The following TACC2 variants were observed in gnomAD, a reference collection of about 807,000 sequenced individuals.
TACC2 encodes the protein transforming acidic coiled-coil containing protein 2, also known as transforming acidic coiled-coil-containing protein 2.
Under a neutral mutation model 227.3 loss-of-function variants are expected in TACC2, and 137 were observed. The ratio of observed to expected loss-of-function variants is 0.60; its 90% CI spans 0.52 to 0.69. TACC2 has a LOEUF of 0.69. TACC2 is among the 30% of genes least tolerant of loss of function. TACC2 has a pLI of 0.00. For synonymous variants in TACC2, 1,523 were observed against 1,487.5 expected (o/e 1.02, Z -0.55); for missense variants, 3,470 against 3,694.4 (o/e 0.94, Z 1.57).
chr10:122,225,683 ACAAGGGGCCC>A (rs1416196635), intron 12 of TACC2, among the ~76,000 whole-genome samples: 1 of 152,198 alleles, frequency 6.6e-6, no homozygotes, highest in East Asian at 1.9e-4. Flanking sequence ...GATTGAAACC[ACAAGGGGCCC>A]CTTCCTCTTG....
In TACC2 at chr10:122,086,239, G is replaced by A. The variant is rs1332665353; in HGVS notation, c.3739G>A (p.Gly1247Arg). The A allele has an allele frequency of 1.2e-6, 2 of 1,613,848 alleles. No individual in the cohort carries two copies. Among genetic ancestry groups the A allele is most frequent in the South Asian group, 2.2e-5 (2 of 91,090 alleles). The change falls in exon 4 of 23, where the codon GGA (glycine) becomes AGA (arginine). Residue 1247 changes from glycine (G) to arginine (R), a missense_variant. Physicochemically the swap from Gly to Arg is moderately radical, Grantham distance 125. Coordinates refer to ENST00000369005, the MANE Select transcript of TACC2 (RefSeq NM_206862.4). ...GCATGTCGACAGTGCTGCCCAGAGA[G>A]GAGCAGAAGACAGTGGAGTGAAAGC... ...YLHVDSAAQR[G>R]AEDSGVKAVS...
At chr10:122,198,596 G>A (rs542352794) in intron 8 of TACC2, among the ~76,000 whole-genome samples, 1 of 152,330 alleles carries the variant, frequency 6.6e-6, no homozygotes, top group South Asian at 2.1e-4. Context: ...CAGCATCCCT[G>A]TATAGTGGAT....
At chr10:122,168,596 A>G (rs1311789607) in intron 7 of TACC2, among the ~76,000 whole-genome samples, 1 of 152,094 alleles carries the variant, frequency 6.6e-6, no homozygotes, top group African/African-American at 2.4e-5. Context: ...CCAGGTAGCT[A>G]CCAATCATCC....
chr10:122,240,899 G>A (rs1272132267), intron 18 of TACC2, among the ~76,000 whole-genome samples: 2 of 152,194 alleles, frequency 1.3e-5, no homozygotes, highest in Admixed American at 6.5e-5. Flanking sequence ...CTTTTGTGCA[G>A]TTACTGTCTA....
rs758136343 is a variant in TACC2, at chr10:122,150,116, T to C, written c.5834+6410T>C. Among the ~76,000 whole-genome samples the C allele has an allele frequency of 2.0e-5, 3 of 152,082 alleles. No individual in the cohort carries two copies. The highest frequency in any genetic ancestry group is 1.9e-4 in the East Asian group (1 of 5,166). On this transcript the variant is annotated intron_variant, in intron 7 of 22. Coordinates refer to ENST00000369005, the MANE Select transcript of TACC2 (RefSeq NM_206862.4). This position sits in a 1 kb window ranked among gnomAD's most constrained non-coding sequence, Gnocchi z 4.0. ...CCAGGTCTGCAGTTCTTTTCCTCCT[T>C]CTGGGAGGGGAGGGGAAGGAGAGCC...
chr10:121,999,987 C>A (rs1240459984), intron 1 of TACC2, among the ~76,000 whole-genome samples: 1 of 152,214 alleles, frequency 6.6e-6, no homozygotes, highest in Non-Finnish European at 1.5e-5. Flanking sequence ...CAAACCAGTA[C>A]AGATGCAAGA....
At chr10:122,115,395 G>C (rs1381015204) in intron 5 of TACC2, among the ~76,000 whole-genome samples, 1 of 152,202 alleles carries the variant, frequency 6.6e-6, no homozygotes, top group South Asian at 2.1e-4. Context: ...GTCTGGAAAT[G>C]TGGGAGGATA....
intron 8 of TACC2, among the ~76,000 whole-genome samples, chr10:122,198,486 A>G (rs940766880): frequency 6.6e-6 from 1 of 152,254 alleles, no homozygotes; most frequent in African/African-American, 2.4e-5. Flanking sequence ...ATGTAATTAA[A>G]TAATAGCTCC....
At chr10:122,046,406 G>A (rs892929484) in intron 2 of TACC2, among the ~76,000 whole-genome samples, 4 of 151,988 alleles carry the variant, frequency 2.6e-5, no homozygotes, top group African/African-American at 4.8e-5. Context: ...CCCAGGAGGC[G>A]GAGCTTACAG....
chr10:122,210,275 G>T lies in TACC2; in HGVS notation c.5972-122G>T. 2 of 749,510 alleles carry T rather than the reference G, an allele frequency of 2.7e-6. No individual in the cohort carries two copies. Among genetic ancestry groups the T allele is most frequent in the Admixed American group, 2.1e-5 (1 of 47,024 alleles). The allele number at this position is 749,510 out of a possible 1,614,324, so 46.4% of individuals were successfully genotyped here. On this transcript the variant is annotated intron_variant, in intron 8 of 22. Transcript: ENST00000369005. This position sits in a 1 kb window ranked among gnomAD's most constrained non-coding sequence, Gnocchi z 4.6. ...CCAAGTAGTACACACAGTGATGGGCGGGGTGGCCTGGGGCCGTGGTTTGTC... is the reference window on the plus strand; with the variant it reads ...CCAAGTAGTACACACAGTGATGGGCTGGGTGGCCTGGGGCCGTGGTTTGTC...
At chr10:122,042,122 T>C (rs1029035094) in intron 2 of TACC2, among the ~76,000 whole-genome samples, 3 of 151,974 alleles carry the variant, frequency 2.0e-5, no homozygotes, top group African/African-American at 7.3e-5. Context: ...ACTTTTTGTA[T>C]TTTTAGTAGA....
chr10:122,124,675 C>T (rs766227381), intron 5 of TACC2, among the ~76,000 whole-genome samples: 2 of 152,216 alleles, frequency 1.3e-5, no homozygotes, highest in Non-Finnish European at 2.9e-5. Context: ...GGCTGTTTGC[C>T]TGCACGCCTT....
intron 5 of TACC2, among the ~76,000 whole-genome samples, chr10:122,108,412 G>A (rs1410395281): frequency 2.8e-5 from 4 of 145,448 alleles, no homozygotes; most frequent in African/African-American, 7.6e-5. Flanking sequence ...ATGTGTGTGT[G>A]TGTATATATA....
chr10:122,025,120 T>G (rs1008254521), intron 2 of TACC2, among the ~76,000 whole-genome samples: 2 of 152,224 alleles, frequency 1.3e-5, no homozygotes, highest in Non-Finnish European at 2.9e-5. Context: ...TGTTGTAATA[T>G]TTCCATGTGG....
intron 3 of TACC2, among the ~76,000 whole-genome samples, chr10:122,073,982 A>C (rs34820383): frequency 6.6e-6 from 1 of 151,342 alleles, no homozygotes; most frequent in African/African-American, 2.4e-5. Context: ...GGGTTTCACC[A>C]TGTTAGCCAG....
chr10:122,016,251 G>A (rs1351793143), intron 1 of TACC2, among the ~76,000 whole-genome samples: 5 of 111,276 alleles, frequency 4.5e-5, no homozygotes, highest in African/African-American at 1.8e-4. Context: ...GACAGAGTGA[G>A]ACCCTGTCTG....
chr10:122,045,509 A>G (rs1318872386), intron 2 of TACC2, among the ~76,000 whole-genome samples: 1 of 152,220 alleles, frequency 6.6e-6, no homozygotes, highest in Admixed American at 6.5e-5. Flanking sequence ...TTAAATATGT[A>G]AAGCACTTAA....
At chr10:122,104,371 A>AT (rs948274667) in intron 5 of TACC2, among the ~76,000 whole-genome samples, 43 of 149,668 alleles carry the variant, frequency 2.9e-4, no homozygotes, top group East Asian at 1.2e-3. Flanking sequence ...TTATTTTATG[A>AT]TTTTTTTTTT....
rs773759070 is a variant in TACC2, at chr10:122,082,773, A to T, written c.273A>T (p.Glu91Asp). 2.5e-6 allele frequency: 4 copies of T among 1,613,826 alleles called. No individual in the cohort carries two copies. The highest frequency in any genetic ancestry group is 2.2e-5 in the South Asian group (2 of 91,072). Residue 91 changes from glutamate to aspartate, a missense_variant, in exon 4 of 23, where the codon GAA (glutamate) becomes GAT (aspartate). Coordinates refer to ENST00000369005, the MANE Select transcript of TACC2 (RefSeq NM_206862.4). ...RKDPQGARGP[E>D]GSLLPSPPPS... The stretch of plus-strand genomic sequence containing the variant: ...ACCCACAGGGAGCCAGGGGGCCAGA[A>T]GGTTCTTTGCTGCCCAGCCCACCAC...
Sources: allele counts gnomAD v4.1 joint callset (sites outside exome capture counted in the v4.1 genomes callset), GRCh38; gene constraint gnomAD v4.1.1; non-coding constraint Gnocchi (gnomAD v3.1); transcripts MANE v1.5; gene names NCBI Gene and HGNC (gene_info 2026-07-23, HGNC 2026-07-21).